PARD3B: variants seen among roughly 807,000 people sequenced by gnomAD.
PARD3B encodes the protein par-3 family cell polarity regulator beta.
PARD3B carries 103 observed loss-of-function variants against 130.2 expected under a neutral mutation model. That is an observed-to-expected ratio of 0.79 (90% CI 0.67 to 0.93). PARD3B has a LOEUF of 0.93. Ranked by LOEUF, PARD3B falls within the 40% of genes least tolerant of loss-of-function variation. PARD3B has a pLI of 0.00. For missense variants in PARD3B, 1,609 were observed against 1,499.2 expected (o/e 1.07, Z -1.21); for synonymous variants, 583 against 553.2 (o/e 1.05, Z -0.76).
intron 16 of PARD3B, among the ~76,000 whole-genome samples, chr2:205,256,312 A>T (rs2040081435): frequency 6.6e-6 from 1 of 152,110 alleles, no homozygotes; most frequent in South Asian, 2.1e-4. Context: ...GCAACCAATG[A>T]TAAACTCATT....
rs374212163 is a variant in PARD3B at position 205,550,982 on chromosome 2, C to T, written c.3181-2342C>T. 0.37 allele frequency among the ~76,000 whole-genome samples: 31,932 copies of T among 86,340 alleles called. 5,282 individuals are homozygous for T. Among genetic ancestry groups the T allele is most frequent in the Middle Eastern group, 0.47 (71 of 150 alleles). The allele number at this position is 86,340 out of a possible 152,430, so 56.6% of individuals were successfully genotyped here. A position where few individuals can be genotyped will look rare whatever the true frequency, so the allele number is the denominator to read the frequency against. On this transcript the variant is annotated intron_variant, in intron 21 of 22. Coordinates refer to ENST00000406610, the MANE Select transcript of PARD3B (RefSeq NM_001302769.2). The surrounding 1 kb of genome is among the most constrained non-coding windows in gnomAD (Gnocchi z 4.5). Reference sequence around the variant, plus strand: ...ATATATATATATATATATATACACACACACACACACACACACACACATAAT... The same window carrying T: ...ATATATATATATATATATATACACATACACACACACACACACACACATAAT...
intron 15 of PARD3B, 58 bp downstream of exon 15, chr2:205,193,378 C>G (rs1574344041): frequency 1.5e-6 from 2 of 1,292,212 alleles, no homozygotes; most frequent in Non-Finnish European, 2.2e-6. Context: ...CATTTATCTT[C>G]CCAAATGTCC....
chr2:205,051,884 A>C (rs527597960), intron 4 of PARD3B, among the ~76,000 whole-genome samples: 1 of 152,214 alleles, frequency 6.6e-6, no homozygotes, highest in Non-Finnish European at 1.5e-5. Flanking sequence ...TTTGGTCAAC[A>C]TACCTAATTA....
Position 205,470,257 on chromosome 2 carries a change from C to A in PARD3B, c.3044+29585C>A, listed in dbSNP as rs2048779516. 6.6e-6 allele frequency among the ~76,000 whole-genome samples: 1 copy of A among 152,238 alleles called. No homozygotes were observed. Among genetic ancestry groups the A allele is most frequent in the South Asian group, 2.1e-4 (1 of 4,836 alleles). Reference sequence around the variant, plus strand: ...ACCATGTCAAAGCATCCCCTCCCAGCAGTGCCCTAGCCTTTCTCATTCCTC... The same window carrying A: ...ACCATGTCAAAGCATCCCCTCCCAGAAGTGCCCTAGCCTTTCTCATTCCTC... On this transcript the variant is annotated intron_variant, in intron 20 of 22. Coordinates refer to ENST00000406610, the MANE Select transcript of PARD3B (RefSeq NM_001302769.2). This position sits in a 1 kb window ranked among gnomAD's most constrained non-coding sequence, Gnocchi z 4.8.
At chr2:205,465,172 G>A (rs1055708364) in intron 20 of PARD3B, among the ~76,000 whole-genome samples, 1 of 152,182 alleles carries the variant, frequency 6.6e-6, no homozygotes, top group African/African-American at 2.4e-5. Flanking sequence ...CCAAATTGCA[G>A]TGTTTTGATT....
intron 4 of PARD3B, among the ~76,000 whole-genome samples, chr2:205,056,208 G>T (rs779577288): frequency 3.4e-5 from 5 of 146,302 alleles, no homozygotes; most frequent in Non-Finnish European, 7.6e-5. Context: ...GATAGGGGAC[G>T]TTTTTTTTTT....
At chr2:204,714,085 C>T (rs1010930314) in intron 2 of PARD3B, among the ~76,000 whole-genome samples, 2 of 152,090 alleles carry the variant, frequency 1.3e-5, no homozygotes, top group Non-Finnish European at 2.9e-5. Flanking sequence ...ATAGGTCATA[C>T]CTGTATCTGT....
At chr2:204,596,095 A>C (rs998289444) in intron 1 of PARD3B, among the ~76,000 whole-genome samples, 1 of 152,210 alleles carries the variant, frequency 6.6e-6, no homozygotes, top group Non-Finnish European at 1.5e-5. Flanking sequence ...ATAGAGAATA[A>C]GTTTCATAAA....
At chr2:205,210,478 A>T (rs950390397) in intron 15 of PARD3B, among the ~76,000 whole-genome samples, 1 of 152,104 alleles carries the variant, frequency 6.6e-6, no homozygotes, top group African/African-American at 2.4e-5. Flanking sequence ...CTAATATTAT[A>T]CTCTTTGCCA....
In PARD3B at chr2:205,160,959, C is replaced by T. The variant is rs1260390736; in HGVS notation, c.1620+2052C>T. ...ATGTTCCTAGAGAGCAGGGCCTGTT[C>T]GCCTGGAGGTGTCTTGTATGGTGCT... On this transcript the variant is annotated intron_variant, in intron 11 of 22. Coordinates refer to ENST00000406610, the MANE Select transcript of PARD3B (RefSeq NM_001302769.2). This position sits in a 1 kb window ranked among gnomAD's most constrained non-coding sequence, Gnocchi z 4.0. 6.6e-6 allele frequency among the ~76,000 whole-genome samples: 1 copy of T among 152,126 alleles called. No individual in the cohort carries two copies. The highest frequency in any genetic ancestry group is 1.5e-5 in the Non-Finnish European group (1 of 68,012).
chr2:204,998,942 G>A (rs1229902930), intron 3 of PARD3B, among the ~76,000 whole-genome samples: 2 of 152,208 alleles, frequency 1.3e-5, no homozygotes, highest in African/African-American at 2.4e-5. Flanking sequence ...TTGATCTCCT[G>A]ACTTCGTGAT....
chr2:204,649,952 G>T (rs1412257080), intron 1 of PARD3B, among the ~76,000 whole-genome samples: 1 of 152,002 alleles, frequency 6.6e-6, no homozygotes, highest in Non-Finnish European at 1.5e-5. Flanking sequence ...CACAGCAAAA[G>T]AAACTATCAA....
In PARD3B at chr2:205,409,913, A is replaced by C. The variant is rs142313366; in HGVS notation, c.2741+8790A>C. 2.6e-5 allele frequency among the ~76,000 whole-genome samples: 4 copies of C among 152,146 alleles called. No individual in the cohort carries two copies. The South Asian group carries it at 8.3e-4, about 32-fold the overall frequency. Reference sequence around the variant, plus strand: ...ATAAAAATGTGGAAAGAAATTTTAAATTTCGCTGATCCAGGATATTTGGTT... The same window carrying C: ...ATAAAAATGTGGAAAGAAATTTTAACTTTCGCTGATCCAGGATATTTGGTT... On this transcript the variant is annotated intron_variant, in intron 19 of 22. Transcript: ENST00000406610.
chr2:204,737,351 G>T (rs1352122766), intron 2 of PARD3B, among the ~76,000 whole-genome samples: 1 of 152,148 alleles, frequency 6.6e-6, no homozygotes, highest in Non-Finnish European at 1.5e-5. Context: ...TAGTGATGTT[G>T]AGCATTTTTT....
chr2:205,215,262 T>G (rs577473946), intron 15 of PARD3B, among the ~76,000 whole-genome samples: 22 of 152,058 alleles, frequency 1.4e-4, no homozygotes, highest in African/African-American at 5.3e-4. Context: ...AAGAGTTCAC[T>G]TTGGATTACA....
intron 3 of PARD3B, among the ~76,000 whole-genome samples, chr2:205,037,250 T>A (rs1023901177): frequency 2.7e-5 from 4 of 147,390 alleles, no homozygotes; most frequent in Admixed American, 6.9e-5. Flanking sequence ...TATATAAAAA[T>A]ATATATATAG....
rs530082290 is a variant in PARD3B, at chr2:204,774,671, T to G, written c.222+88389T>G. 3.3e-5 allele frequency among the ~76,000 whole-genome samples: 5 copies of G among 152,278 alleles called. No individual in the cohort carries two copies. The South Asian group carries it at 1.0e-3, about 32-fold the overall frequency. On this transcript the variant is annotated intron_variant, in intron 2 of 22. Transcript: ENST00000406610. Reference sequence around the variant, plus strand: ...TCATCAGATATGATTGGAATCATCTTTTAGGAAAATACACTTTGATTTATA... The same window carrying G: ...TCATCAGATATGATTGGAATCATCTGTTAGGAAAATACACTTTGATTTATA...
Position 205,146,751 on chromosome 2 carries a change from G to A in PARD3B, c.1435-11971G>A, listed in dbSNP as rs190263701. Among the ~76,000 whole-genome samples, 439 of 151,530 alleles carry A rather than the reference G, an allele frequency of 2.9e-3. 1 individual carries two copies. The highest frequency in any genetic ancestry group is 5.2e-3 in the Non-Finnish European group (354 of 67,908). The stretch of plus-strand genomic sequence containing the variant: ...TTTTTTGTTTTTTTGTTTTTAAGAT[G>A]GAGTCTCACTCTGTTGCCCAGGGTG... On this transcript the variant is annotated intron_variant, in intron 10 of 22. Transcript: ENST00000406610. The surrounding 1 kb of genome is among the most constrained non-coding windows in gnomAD (Gnocchi z 4.3).
At chr2:205,543,379 T>A (rs6726062) in intron 21 of PARD3B, among the ~76,000 whole-genome samples, 76,409 of 151,990 alleles carry the variant, frequency 0.5, 20,318 homozygotes, top group Middle Eastern at 0.71. Flanking sequence ...TTACTAGGCC[T>A]TTGGAGTTCA....
Sources: gnomAD v4.1 joint callset for allele counts (sites outside exome capture counted in the v4.1 genomes callset) on GRCh38, gnomAD v4.1.1 for gene constraint, Gnocchi (gnomAD v3.1) non-coding constraint, MANE v1.5 for transcripts, NCBI Gene and HGNC (gene_info 2026-07-23, HGNC 2026-07-21) for gene names.